Variants in GALNT10 observed in about 807,000 individuals in gnomAD.
The protein encoded by GALNT10 is GalNAc transferase 10.
GALNT10 carries 41 observed loss-of-function variants against 75.0 expected under a neutral mutation model. The observed-to-expected ratio is 0.55, with a 90% CI of 0.43 to 0.71. The LOEUF (loss-of-function observed/expected upper bound fraction) is 0.71, where lower values mean the gene tolerates loss of function less well. GALNT10 is among the 30% of genes least tolerant of loss of function. GALNT10 has a pLI of 0.00. For synonymous variants in GALNT10, 302 were observed against 313.0 expected (o/e 0.96, Z 0.37); for missense variants, 727 against 818.5 (o/e 0.89, Z 1.36).
chr5:154,322,316 C>T (rs541125164), intron 3 of GALNT10, among the ~76,000 whole-genome samples: 209 of 152,272 alleles, frequency 1.4e-3, no homozygotes, highest in African/African-American at 4.8e-3. Flanking sequence ...GCTCACGACC[C>T]TTTTCCTCCA....
chr5:154,416,956 A>C lies in GALNT10; in HGVS notation c.1796A>C (p.Lys599Thr). Residue 599 changes from lysine (K) to threonine (T), a missense_variant, in exon 12 of 12, where the codon AAA becomes ACA. By Grantham distance (78) the Lys-to-Thr change is moderately conservative. Transcript: ENST00000297107. The surrounding 1 kb of genome is among the most constrained non-coding windows in gnomAD (Gnocchi z 4.5). The stretch of plus-strand genomic sequence containing the variant: ...CACACCAACTCAACAGTCTTGGAAA[A>C]ATTCAATAGGAACTGAGCCCTCATG... Reference protein sequence around the residue: ...FEHTNSTVLEKFNRN With the variant: ...FEHTNSTVLETFNRN 1.2e-6 allele frequency: 2 copies of C among 1,614,130 alleles called. No individual in the cohort carries two copies. The highest frequency in any genetic ancestry group is 1.7e-6 in the Non-Finnish European group (2 of 1,179,992).
At chr5:154,404,862 T>C (rs1277902274) in intron 8 of GALNT10, among the ~76,000 whole-genome samples, 1 of 152,230 alleles carries the variant, frequency 6.6e-6, no homozygotes, top group Admixed American at 6.5e-5. Context: ...CATGTCAAAC[T>C]GTTTCATTGC....
At chr5:154,254,662 G>A (rs1417887403) in intron 1 of GALNT10, among the ~76,000 whole-genome samples, 1 of 151,948 alleles carries the variant, frequency 6.6e-6, no homozygotes, top group Non-Finnish European at 1.5e-5. Flanking sequence ...TATGCCGAGT[G>A]GTAATTCTGA....
At chr5:154,281,980 G>A (rs759225603) in intron 1 of GALNT10, among the ~76,000 whole-genome samples, 4 of 152,298 alleles carry the variant, frequency 2.6e-5, no homozygotes, top group Middle Eastern at 3.4e-3. Context: ...AGGCTGGCTC[G>A]TAACCTGTTT....
At chr5:154,216,505 C>T (rs899059272) in intron 1 of GALNT10, among the ~76,000 whole-genome samples, 1 of 152,198 alleles carries the variant, frequency 6.6e-6, no homozygotes, top group African/African-American at 2.4e-5. Flanking sequence ...AAGCTGCAAG[C>T]TGTTGTCTCC....
chr5:154,342,782 C>T (rs1384378497), intron 4 of GALNT10, among the ~76,000 whole-genome samples: 2 of 152,142 alleles, frequency 1.3e-5, no homozygotes, highest in Non-Finnish European at 2.9e-5. Flanking sequence ...GATTTATGGT[C>T]TCACATTTAA....
chr5:154,313,812 G>A (rs1011247685), intron 3 of GALNT10, among the ~76,000 whole-genome samples: 3 of 152,136 alleles, frequency 2.0e-5, no homozygotes, highest in African/African-American at 7.2e-5. Context: ...TGTGTCAGGA[G>A]AAGGCCTAAG....
intron 4 of GALNT10, among the ~76,000 whole-genome samples, chr5:154,354,910 T>C (rs1755264519): frequency 6.6e-6 from 1 of 152,216 alleles, no homozygotes; most frequent in African/African-American, 2.4e-5. Flanking sequence ...ATCAGTCATA[T>C]GTGTTTTCAT....
intron 1 of GALNT10, among the ~76,000 whole-genome samples, chr5:154,236,274 A>G (rs1002427874): frequency 6.6e-6 from 1 of 152,228 alleles, no homozygotes; most frequent in African/African-American, 2.4e-5. Flanking sequence ...ACATGGAACT[A>G]TTGCAGGAAT....
chr5:154,302,998 T>C (rs1157299227), intron 3 of GALNT10, among the ~76,000 whole-genome samples: 1 of 152,082 alleles, frequency 6.6e-6, no homozygotes, highest in Admixed American at 6.5e-5. Flanking sequence ...ACCACATTTA[T>C]TGTAGTAATA....
intron 1 of GALNT10, among the ~76,000 whole-genome samples, chr5:154,253,000 TG>T (rs1753548784): frequency 7.7e-5 from 10 of 129,092 alleles, no homozygotes; most frequent in Non-Finnish European, 1.2e-4. Context: ...GGTTTTTTAG[TG>T]GTTTTTTTTT....
chr5:154,329,680 T>C lies in GALNT10; in HGVS notation c.510T>C (p.Asn170=), dbSNP rs2113117577. The C allele has an allele frequency of 6.2e-7, 1 of 1,613,650 alleles. No homozygotes were observed. ...SLLRTVHSVL[N]RSPPELVAEI... ...TCCGCACCGTCCACAGTGTGCTCAA[T>C]CGCTCGCCTCCAGAGCTGGTCGCCG... Residue 170 remains asparagine, a synonymous_variant, in exon 4 of 12, where the codon AAT becomes AAC. Coordinates refer to ENST00000297107, the MANE Select transcript of GALNT10 (RefSeq NM_198321.4).
At chr5:154,411,908 A>G (rs1756404863) in intron 9 of GALNT10, among the ~76,000 whole-genome samples, 1 of 152,118 alleles carries the variant, frequency 6.6e-6, no homozygotes, top group Non-Finnish European at 1.5e-5. Flanking sequence ...GGGGTGAGGG[A>G]AGGAAGGAGA....
In GALNT10 at chr5:154,338,319, A is replaced by T; in HGVS notation, c.568+8581A>T. 4 of 541,668 alleles carry T rather than the reference A, an allele frequency of 7.4e-6. No homozygotes were observed. In the South Asian group the frequency reaches 7.4e-5, roughly 10 times the overall value. 33.6% of individuals were successfully genotyped at this position (541,668 alleles called of 1,614,324 possible). ...ACCACACAATCTCTGACCATTCCCC[A>T]TTGCTCAAAATGCTCAAAAATTTGA... On this transcript the variant is annotated intron_variant, in intron 4 of 11. Coordinates refer to ENST00000297107, the MANE Select transcript of GALNT10 (RefSeq NM_198321.4).
intron 1 of GALNT10, among the ~76,000 whole-genome samples, chr5:154,261,269 A>G (rs1303625629): frequency 6.6e-6 from 1 of 151,984 alleles, no homozygotes; most frequent in African/African-American, 2.4e-5. Flanking sequence ...AGCTAAAAGA[A>G]AAAAAAACAG....
At position 154,245,961 on chromosome 5, in the gene GALNT10, C is replaced by G. The variant is rs570876877; in HGVS notation, c.160-48855C>G. ...CTCCTAATGCTATCCCTCCCCACTC[C>G]CCCCACCCCACAACAGGCCCCAGAG... On this transcript the variant is annotated intron_variant, in intron 1 of 11. Transcript: ENST00000297107. 3.1e-3 allele frequency among the ~76,000 whole-genome samples: 468 copies of G among 151,794 alleles called. 2 individuals are homozygous for G. The highest frequency in any genetic ancestry group is 0.011 in the African/African-American group (453 of 41,378).
chr5:154,338,258 C>T, intron 4 of GALNT10: 1 of 710,532 alleles, frequency 1.4e-6, no homozygotes, highest in South Asian at 1.4e-5. Context: ...GGCAAACCCA[C>T]AGCCCCTGGA....
chr5:154,256,271 G>A (rs1340727788), intron 1 of GALNT10, among the ~76,000 whole-genome samples: 1 of 151,974 alleles, frequency 6.6e-6, no homozygotes, highest in Non-Finnish European at 1.5e-5. Context: ...GCTTGCCAGG[G>A]CTTCTGGTTT....
intron 1 of GALNT10, among the ~76,000 whole-genome samples, chr5:154,208,375 C>G (rs1187429802): frequency 6.6e-6 from 1 of 152,216 alleles, no homozygotes; most frequent in Non-Finnish European, 1.5e-5. Flanking sequence ...ACCTGCCCCT[C>G]CCACTCACCT....
Sources: gnomAD v4.1 joint callset for allele counts (sites outside exome capture counted in the v4.1 genomes callset) on GRCh38, gnomAD v4.1.1 for gene constraint, Gnocchi (gnomAD v3.1) non-coding constraint, MANE v1.5 for transcripts, NCBI Gene and HGNC (gene_info 2026-07-23, HGNC 2026-07-21) for gene names.